ADAM22: variants seen among roughly 807,000 people sequenced by gnomAD.
ADAM22 encodes the protein ADAM metallopeptidase domain 22.
A neutral mutation model predicts 144.6 loss-of-function variants in ADAM22; 65 were observed. The observed-to-expected ratio is 0.45, with a 90% CI of 0.37 to 0.55. The LOEUF (loss-of-function observed/expected upper bound fraction) is 0.55. Among genes scored for constraint, ADAM22 ranks in the 20% least tolerant of loss-of-function variants. The pLI, the probability that ADAM22 is intolerant of heterozygous loss-of-function variation, is 0.00. For missense variants in ADAM22, 974 were observed against 1,184.9 expected (o/e 0.82, Z 2.61); for synonymous variants, 391 against 412.6 (o/e 0.95, Z 0.63).
intron 4 of ADAM22, among the ~76,000 whole-genome samples, chr7:88,083,750 C>T (rs924591479): frequency 3.3e-5 from 5 of 151,906 alleles, no homozygotes; most frequent in East Asian, 1.9e-4. Context: ...TTCTTGTAAG[C>T]GACCTAGATG....
At chr7:87,982,699 A>ATATATATATATATATATAT (rs10527361) in intron 3 of ADAM22, among the ~76,000 whole-genome samples, 296 of 62,660 alleles carry the variant, frequency 4.7e-3, no homozygotes, top group African/African-American at 6.7e-3. Context: ...ATATATATAT[A>ATATATATATATATATATAT]ATTTTTTTTT....
chr7:88,061,977 G>C (rs1439484580), intron 3 of ADAM22, among the ~76,000 whole-genome samples: 1 of 151,634 alleles, frequency 6.6e-6, no homozygotes, highest in Non-Finnish European at 1.5e-5. Context: ...AAATAGCTTG[G>C]ACTACAGGTG....
At chr7:88,100,700 G>C (rs963114315) in intron 4 of ADAM22, among the ~76,000 whole-genome samples, 4 of 152,124 alleles carry the variant, frequency 2.6e-5, no homozygotes, top group African/African-American at 4.8e-5. Context: ...ATTTGTATTA[G>C]AGATGCGGTC....
intron 29 of ADAM22, among the ~76,000 whole-genome samples, chr7:88,185,011 G>T (rs1847964561): frequency 1.3e-5 from 2 of 152,222 alleles, no homozygotes; most frequent in South Asian, 2.1e-4. Context: ...TGTTTCACCT[G>T]ATTATAGCTG....
chr7:88,003,713 C>G (rs1793125394), intron 3 of ADAM22, among the ~76,000 whole-genome samples: 1 of 152,084 alleles, frequency 6.6e-6, no homozygotes, highest in South Asian at 2.1e-4. Flanking sequence ...TTTCAGAAAC[C>G]TTAAAAAAAC....
intron 9 of ADAM22, 111 bp from the exon 10 acceptor site, chr7:88,130,277 T>C (rs1318648025): frequency 4.9e-6 from 4 of 820,314 alleles, no homozygotes; most frequent in African/African-American, 1.8e-5. Context: ...GAAAAGATTT[T>C]TTTTTTTTTT....
intron 4 of ADAM22, among the ~76,000 whole-genome samples, chr7:88,095,034 T>C (rs975386987): frequency 1.3e-5 from 2 of 152,158 alleles, no homozygotes; most frequent in Admixed American, 6.6e-5. Flanking sequence ...GAGCTTTGGG[T>C]GTGGGAAATA....
At chr7:88,072,396 T>C (rs138587626) in intron 3 of ADAM22, among the ~76,000 whole-genome samples, 339 of 152,260 alleles carry the variant, frequency 2.2e-3, no homozygotes, top group African/African-American at 8.1e-3. Flanking sequence ...ATTTTATTAT[T>C]ATTATTATTA....
chr7:88,056,136 C>G (rs192795370), intron 3 of ADAM22, among the ~76,000 whole-genome samples: 90 of 152,296 alleles, frequency 5.9e-4, no homozygotes, highest in Admixed American at 3.1e-3. Context: ...CCTATTAACT[C>G]ATAGTTTTGG....
At chr7:88,182,385 C>G (rs866227537) in intron 29 of ADAM22, among the ~76,000 whole-genome samples, 1 of 152,164 alleles carries the variant, frequency 6.6e-6, no homozygotes, top group African/African-American at 2.4e-5. Flanking sequence ...CCCCAATACT[C>G]ACACAGCCTT....
chr7:88,148,098 G>A (rs1206039829), intron 17 of ADAM22, among the ~76,000 whole-genome samples: 1 of 152,124 alleles, frequency 6.6e-6, no homozygotes, highest in Non-Finnish European at 1.5e-5. Flanking sequence ...CATGTTCTAG[G>A]AACAGCAGGA....
Position 88,050,235 on chromosome 7 carries a change from A to C in ADAM22, c.324-25391A>C, listed in dbSNP as rs1029403276. Among the ~76,000 whole-genome samples the C allele has an allele frequency of 4.7e-5, 7 of 150,482 alleles. No homozygotes were observed. In the South Asian group the frequency reaches 8.4e-4, roughly 18 times the overall value. ...TCCATCTCTACTAAAAAAAAAAAAA[A>C]AAAAAAAAACCTGGGCATCATAAGG... On this transcript the variant is annotated intron_variant, in intron 3 of 31. Coordinates refer to ENST00000413139, the MANE Select transcript of ADAM22 (RefSeq NM_001324418.2).
intron 3 of ADAM22, among the ~76,000 whole-genome samples, chr7:87,989,732 A>G (rs1337442701): frequency 2.6e-5 from 4 of 152,146 alleles, no homozygotes; most frequent in Non-Finnish European, 4.4e-5. Context: ...CCTGGCCAAC[A>G]TGGTGAAACC....
At chr7:88,193,824 G>A (rs1027379563) in intron 31 of ADAM22, among the ~76,000 whole-genome samples, 12 of 152,134 alleles carry the variant, frequency 7.9e-5, no homozygotes, top group African/African-American at 2.9e-4. Flanking sequence ...GAGATGTTTC[G>A]GAATCTCTTT....
intron 12 of ADAM22, among the ~76,000 whole-genome samples, chr7:88,133,930 A>G (rs1832417477): frequency 6.6e-6 from 1 of 152,194 alleles, no homozygotes; most frequent in South Asian, 2.1e-4. Flanking sequence ...GAATTTCAGG[A>G]TTACAACTGG....
At chr7:87,994,396 C>T (rs1790620488) in intron 3 of ADAM22, among the ~76,000 whole-genome samples, 1 of 152,082 alleles carries the variant, frequency 6.6e-6, no homozygotes, top group Non-Finnish European at 1.5e-5. Context: ...CTCCTGACCT[C>T]GTGATCCGCC....
chr7:88,038,801 G>C (rs1323155632), intron 3 of ADAM22, among the ~76,000 whole-genome samples: 1 of 145,478 alleles, frequency 6.9e-6, no homozygotes, highest in Non-Finnish European at 1.5e-5. Context: ...TTTTTTTTTA[G>C]ACAGAGTCTC....
At chr7:87,948,093 C>T (rs1584503996) in intron 2 of ADAM22, among the ~76,000 whole-genome samples, 2 of 152,136 alleles carry the variant, frequency 1.3e-5, no homozygotes. Flanking sequence ...CTGTCACTTT[C>T]CTGCAGCCTC....
intron 3 of ADAM22, among the ~76,000 whole-genome samples, chr7:88,054,373 T>G (rs963920801): frequency 6.6e-6 from 1 of 152,174 alleles, no homozygotes; most frequent in Non-Finnish European, 1.5e-5. Flanking sequence ...TGAGGTGATG[T>G]TCTCCCATAC....
Sources: allele counts gnomAD v4.1 joint callset (sites outside exome capture counted in the v4.1 genomes callset), GRCh38; gene constraint gnomAD v4.1.1; transcripts MANE v1.5; gene names NCBI Gene and HGNC (gene_info 2026-07-23, HGNC 2026-07-21).